MMP16: variants seen among roughly 807,000 people sequenced by gnomAD.
The protein encoded by MMP16 is matrix metallopeptidase 16.
A neutral mutation model predicts 67.8 loss-of-function variants in MMP16; 12 were observed. That is an observed-to-expected ratio of 0.18 (90% confidence interval 0.11 to 0.29). The LOEUF (loss-of-function observed/expected upper bound fraction) is 0.29. Among genes scored for constraint, MMP16 ranks in the 10% least tolerant of loss-of-function variants. The pLI, the probability that MMP16 is intolerant of heterozygous loss-of-function variation, is 1.00. For missense variants in MMP16, 475 were observed against 765.7 expected (o/e 0.62, Z 4.48); for synonymous variants, 249 against 255.9 (o/e 0.97, Z 0.26).
At chr8:88,199,095 A>G (rs992696625) in intron 1 of MMP16, among the ~76,000 whole-genome samples, 3 of 152,050 alleles carry the variant, frequency 2.0e-5, no homozygotes, top group Admixed American at 6.6e-5. Context: ...CTTTGTTTGC[A>G]TTCATTTCTT....
intron 1 of MMP16, among the ~76,000 whole-genome samples, chr8:88,228,518 G>A (rs1809806830): frequency 6.6e-6 from 1 of 152,000 alleles, no homozygotes; most frequent in African/African-American, 2.4e-5. Flanking sequence ...AAAAATGACT[G>A]TCAAAGATAG....
At chr8:88,106,253 T>G (rs1232218008) in intron 6 of MMP16, among the ~76,000 whole-genome samples, 1 of 151,170 alleles carries the variant, frequency 6.6e-6, no homozygotes, top group Admixed American at 6.6e-5. Context: ...AATCTGGGTA[T>G]AAGTATGTGT....
At chr8:88,070,975 T>G (rs1010197404) in intron 7 of MMP16, among the ~76,000 whole-genome samples, 29 of 152,112 alleles carry the variant, frequency 1.9e-4, no homozygotes, top group Non-Finnish European at 4.4e-5. Context: ...CTACCATACT[T>G]TAACATACTA....
At chr8:88,129,584 A>T (rs1023561758) in intron 4 of MMP16, among the ~76,000 whole-genome samples, 10 of 151,354 alleles carry the variant, frequency 6.6e-5, no homozygotes, top group South Asian at 2.1e-4. Flanking sequence ...AAAAAATATT[A>T]AAAAAAAGAA....
chr8:88,140,843 C>T (rs916934803), intron 4 of MMP16, among the ~76,000 whole-genome samples: 7 of 151,910 alleles, frequency 4.6e-5, no homozygotes, highest in African/African-American at 7.3e-5. Context: ...TCAGACTCTG[C>T]GCTTAAAGAA....
chr8:88,193,142 A>G (rs1013813395), intron 2 of MMP16, among the ~76,000 whole-genome samples: 6 of 152,184 alleles, frequency 3.9e-5, no homozygotes, highest in Non-Finnish European at 7.4e-5. Flanking sequence ...CAGCTAAGAT[A>G]TGGAATCATC....
At chr8:88,301,092 C>CA (rs978034037) in intron 1 of MMP16, among the ~76,000 whole-genome samples, 6 of 152,148 alleles carry the variant, frequency 3.9e-5, no homozygotes, top group Admixed American at 3.3e-4. Flanking sequence ...TTATCTTGTA[C>CA]AAAAAACAGT....
At chr8:88,313,903 A>G (rs939279) in intron 1 of MMP16, among the ~76,000 whole-genome samples, 148,558 of 152,130 alleles carry the variant, frequency 0.98, 72,591 homozygotes, top group East Asian at 1. Flanking sequence ...ATCAGATCTC[A>G]TGAGACTTAT....
chr8:88,241,872 T>G (rs993455869), intron 1 of MMP16, among the ~76,000 whole-genome samples: 1 of 152,164 alleles, frequency 6.6e-6, no homozygotes, highest in Non-Finnish European at 1.5e-5. Flanking sequence ...CGTCTAGCTC[T>G]TTGAAAATAT....
intron 6 of MMP16, among the ~76,000 whole-genome samples, chr8:88,103,586 A>G (rs1269574970): frequency 6.6e-6 from 1 of 151,844 alleles, no homozygotes; most frequent in African/African-American, 2.4e-5. Flanking sequence ...TTCTACAACC[A>G]TAACTTCAGT....
chr8:88,201,238 T>C (rs1182408065), intron 1 of MMP16, among the ~76,000 whole-genome samples: 2 of 151,490 alleles, frequency 1.3e-5, no homozygotes, highest in East Asian at 3.9e-4. Flanking sequence ...TTAGAAATTA[T>C]AGAAATAATT....
At chr8:88,175,969 C>G (rs1374142809) in intron 3 of MMP16, among the ~76,000 whole-genome samples, 1 of 152,138 alleles carries the variant, frequency 6.6e-6, no homozygotes, top group African/African-American at 2.4e-5. Context: ...GTGAGGCCTC[C>G]CTAGCCATGT....
At chr8:88,110,606 G>A (rs540194751) in intron 6 of MMP16, among the ~76,000 whole-genome samples, 1 of 151,642 alleles carries the variant, frequency 6.6e-6, no homozygotes, top group African/African-American at 2.4e-5. Context: ...CGATTACACT[G>A]TGCTGTGTGA....
At chr8:88,095,820 G>T (rs886946590) in intron 6 of MMP16, among the ~76,000 whole-genome samples, 1 of 151,870 alleles carries the variant, frequency 6.6e-6, no homozygotes, top group Non-Finnish European at 1.5e-5. Flanking sequence ...TACGTAGAAT[G>T]AATTCATTTA....
intron 1 of MMP16, among the ~76,000 whole-genome samples, chr8:88,237,590 G>A (rs1428447506): frequency 6.6e-6 from 1 of 151,690 alleles, no homozygotes; most frequent in Non-Finnish European, 1.5e-5. Context: ...CGGAGCTGGC[G>A]GTGAACCGAG....
At chr8:88,105,468 T>A (rs1809222058) in intron 6 of MMP16, among the ~76,000 whole-genome samples, 1 of 151,492 alleles carries the variant, frequency 6.6e-6, no homozygotes, top group Non-Finnish European at 1.5e-5. Context: ...TACAGTTTCT[T>A]TAAAATAGAC....
In MMP16 at chr8:88,113,354, T is replaced by A. The variant is rs114839231; in HGVS notation, c.1083+3153A>T. Among the ~76,000 whole-genome samples, 1,341 of 151,830 alleles carry A rather than the reference T, an allele frequency of 8.8e-3. 20 individuals carry two copies. The highest frequency in any genetic ancestry group is 0.031 in the African/African-American group (1,281 of 41,468). On this transcript the variant is annotated intron_variant, in intron 6 of 9. Transcript: ENST00000286614. ...AAGAAGCTACCCCCAGACATTAAAA[T>A]TTAGGAGAAAATAAGTGTTGATGGG...
At chr8:88,230,863 T>G (rs564969188) in intron 1 of MMP16, among the ~76,000 whole-genome samples, 15 of 152,264 alleles carry the variant, frequency 9.9e-5, no homozygotes, top group Admixed American at 2.0e-4. Flanking sequence ...GTGAGTCATA[T>G]GAAGTTGCAT....
chr8:88,251,343 T>G (rs986556959), intron 1 of MMP16, among the ~76,000 whole-genome samples: 1 of 150,980 alleles, frequency 6.6e-6, no homozygotes, highest in African/African-American at 2.5e-5. Context: ...ATGCCGCATA[T>G]CTACAACTAT....
Sources: gnomAD v4.1 joint callset for allele counts (sites outside exome capture counted in the v4.1 genomes callset) on GRCh38, gnomAD v4.1.1 for gene constraint, MANE v1.5 for transcripts, NCBI Gene and HGNC (gene_info 2026-07-23, HGNC 2026-07-21) for gene names.